PRKN: variants seen among roughly 807,000 people sequenced by gnomAD.
PRKN encodes the protein E3 ubiquitin-protein ligase parkin.
In PRKN, 56 loss-of-function variants were observed where a neutral mutation model predicts 59.5. That is an observed-to-expected ratio of 0.94 (90% CI 0.76 to 1.18). The LOEUF (loss-of-function observed/expected upper bound fraction) is 1.18. PRKN is among the 50% of genes most tolerant of loss of function. The pLI, the probability that PRKN is intolerant of heterozygous loss-of-function variation, is 0.00. For synonymous variants in PRKN, 250 were observed against 222.1 expected (o/e 1.13, Z -1.12); for missense variants, 657 against 596.4 (o/e 1.10, Z -1.06).
chr6:162,663,574 A>G (rs926807550), intron 1 of PRKN, among the ~76,000 whole-genome samples: 1 of 152,116 alleles, frequency 6.6e-6, no homozygotes, highest in African/African-American at 2.4e-5. Context: ...GGTGTTAAAA[A>G]TTACTATGAT....
At chr6:161,883,043 CA>C (rs957043690) in intron 6 of PRKN, among the ~76,000 whole-genome samples, 87 of 83,460 alleles carry the variant, frequency 1.0e-3, no homozygotes, top group Middle Eastern at 5.3e-3. Context: ...AAAAAAAAAC[CA>C]AAAAAACTCC....
intron 6 of PRKN, among the ~76,000 whole-genome samples, chr6:161,843,641 T>C (rs541779444): frequency 1.3e-5 from 2 of 152,142 alleles, no homozygotes; most frequent in South Asian, 4.1e-4. Flanking sequence ...CAAAAAGGAA[T>C]TAGATAGGCA....
intron 7 of PRKN, among the ~76,000 whole-genome samples, chr6:161,744,581 C>T (rs1788335822): frequency 6.6e-6 from 1 of 152,140 alleles, no homozygotes; most frequent in Non-Finnish European, 1.5e-5. Context: ...ATTAACATTC[C>T]TAATAATAGG....
chr6:161,387,531 A>C (rs1786313589), intron 9 of PRKN, among the ~76,000 whole-genome samples: 1 of 152,270 alleles, frequency 6.6e-6, no homozygotes, highest in African/African-American at 2.4e-5. Flanking sequence ...TAATACACAC[A>C]GTAATGCAAA....
intron 6 of PRKN, among the ~76,000 whole-genome samples, chr6:161,879,493 G>A (rs141506867): frequency 5.9e-5 from 9 of 152,054 alleles, no homozygotes; most frequent in East Asian, 1.9e-4. Flanking sequence ...GACTATAGGC[G>A]TGAGCCACCA....
intron 6 of PRKN, among the ~76,000 whole-genome samples, chr6:161,874,817 T>TAC (rs1794626089): frequency 7.9e-5 from 2 of 25,362 alleles, no homozygotes; most frequent in Non-Finnish European, 2.1e-4. Context: ...ATATAAAATG[T>TAC]ATAATATATA....
At chr6:162,598,050 G>A (rs1022042728) in intron 1 of PRKN, among the ~76,000 whole-genome samples, 1 of 152,132 alleles carries the variant, frequency 6.6e-6, no homozygotes, top group Non-Finnish European at 1.5e-5. Flanking sequence ...CGATGGAAAT[G>A]AATTCATTTC....
chr6:162,521,769 G>T (rs1170693372), intron 1 of PRKN, among the ~76,000 whole-genome samples: 3 of 151,930 alleles, frequency 2.0e-5, no homozygotes, highest in African/African-American at 7.3e-5. Context: ...TAAGGAATAT[G>T]GTTTAAGCAC....
rs550396043 is a variant in PRKN, at chr6:161,552,807, T to G, written c.934-3804A>C. Reference sequence around the variant, plus strand: ...TTGTTGTTTTTGTTTTTTGTTTTTTTTTTTTAGACGGAGTCTCGTTGTTAC... The same window carrying G: ...TTGTTGTTTTTGTTTTTTGTTTTTTGTTTTTAGACGGAGTCTCGTTGTTAC... On this transcript the variant is annotated intron_variant, in intron 8 of 11. Transcript: ENST00000366898. This position sits in a 1 kb window ranked among gnomAD's most constrained non-coding sequence, Gnocchi z 4.9. Among the ~76,000 whole-genome samples the G allele has an allele frequency of 9.3e-5, 14 of 150,430 alleles. No homozygotes were observed. The highest frequency in any genetic ancestry group is 5.8e-4 in the East Asian group (3 of 5,130).
intron 1 of PRKN, among the ~76,000 whole-genome samples, chr6:162,449,145 C>A (rs1562772959): frequency 6.6e-6 from 1 of 152,148 alleles, no homozygotes; most frequent in South Asian, 2.1e-4. Context: ...CCTCAGCCTC[C>A]CTAAGTGCTG....
At chr6:162,618,767 T>C (rs529661168) in intron 1 of PRKN, among the ~76,000 whole-genome samples, 139 of 152,346 alleles carry the variant, frequency 9.1e-4, no homozygotes, top group African/African-American at 3.3e-3. Flanking sequence ...CAAAAGTTAA[T>C]TGCTTGTCTA....
At chr6:162,284,037 T>TAAA in intron 2 of PRKN, among the ~76,000 whole-genome samples, 1 of 152,028 alleles carries the variant, frequency 6.6e-6, no homozygotes, top group East Asian at 1.9e-4. Context: ...ATAAAATCAG[T>TAAA]AAAATAAACA....
chr6:162,189,120 C>T (rs554533022), intron 4 of PRKN, among the ~76,000 whole-genome samples: 1 of 151,220 alleles, frequency 6.6e-6, no homozygotes, highest in Non-Finnish European at 1.5e-5. Flanking sequence ...AAAGTTGATT[C>T]CTATTCTAAT....
In PRKN at chr6:162,242,512, T is replaced by C. The variant is rs542115674; in HGVS notation, c.412+20013A>G. On this transcript the variant is annotated intron_variant, in intron 3 of 11. Coordinates refer to ENST00000366898, the MANE Select transcript of PRKN (RefSeq NM_004562.3). ...AAATGTACCTAAGTACATAAACCATTTAGTGGGAATACATACACAAAGAGT... is the reference window on the plus strand; with the variant it reads ...AAATGTACCTAAGTACATAAACCATCTAGTGGGAATACATACACAAAGAGT... 6.6e-5 allele frequency among the ~76,000 whole-genome samples: 10 copies of C among 152,258 alleles called. No homozygotes were observed. The South Asian group carries it at 2.1e-3, about 32-fold the overall frequency.
chr6:161,736,160 C>T (rs763753097), intron 7 of PRKN, among the ~76,000 whole-genome samples: 1 of 152,120 alleles, frequency 6.6e-6, no homozygotes, highest in African/African-American at 2.4e-5. Flanking sequence ...GTGTAAGGGA[C>T]GTACAAAACA....
At chr6:161,823,474 CT>C (rs1792119844) in intron 6 of PRKN, among the ~76,000 whole-genome samples, 2 of 152,068 alleles carry the variant, frequency 1.3e-5, no homozygotes, top group African/African-American at 4.8e-5. Context: ...CTTTAAAATC[CT>C]GTCCATAAGT....
intron 8 of PRKN, among the ~76,000 whole-genome samples, chr6:161,565,024 C>T (rs923034910): frequency 6.6e-6 from 1 of 152,164 alleles, no homozygotes; most frequent in Non-Finnish European, 1.5e-5. Context: ...TTCTTTGAGC[C>T]ACTGGCATCT....
rs60548327 is a variant in PRKN, at chr6:162,387,555, C to CAGAGAG, written c.171+55749_171+55754dup. ...CAACACACACACACACACACACACA[C>CAGAGAG]AGAGAGAGAGAGAGAGAGAGAGAGA... On this transcript the variant is annotated intron_variant, in intron 2 of 11. Transcript: ENST00000366898. Among the ~76,000 whole-genome samples, 481 of 95,608 alleles carry CAGAGAG rather than the reference C, an allele frequency of 5.0e-3. 7 individuals carry two copies. Among genetic ancestry groups the CAGAGAG allele is most frequent in the Admixed American group, 6.6e-3 (56 of 8,482 alleles). The allele number at this position is 95,608 out of a possible 152,430, so 62.7% of individuals were successfully genotyped here.
chr6:162,650,592 C>T (rs1222524716), intron 1 of PRKN, among the ~76,000 whole-genome samples: 194 of 110,874 alleles, frequency 1.7e-3, no homozygotes, highest in Middle Eastern at 4.5e-3. Flanking sequence ...AGCGAGACTC[C>T]GTCTCAAAAA....
Sources: allele counts gnomAD v4.1 joint callset (sites outside exome capture counted in the v4.1 genomes callset), GRCh38; gene constraint gnomAD v4.1.1; non-coding constraint Gnocchi (gnomAD v3.1); transcripts MANE v1.5; gene names NCBI Gene and HGNC (gene_info 2026-07-23, HGNC 2026-07-21).